The following TCN1 variants were observed in gnomAD, a reference collection of about 807,000 sequenced individuals.
The protein encoded by TCN1 is transcobalamin 1, also known as transcobalamin-1.
In TCN1, 47 loss-of-function variants were observed where a neutral mutation model predicts 46.3. That is an observed-to-expected ratio of 1.01 (90% CI 0.80 to 1.29). The LOEUF (loss-of-function observed/expected upper bound fraction) is 1.29. TCN1 is among the 50% of genes most tolerant of loss of function. The pLI is 0.00. For missense variants in TCN1, 532 were observed against 511.0 expected (o/e 1.04, Z -0.40); for synonymous variants, 183 against 192.5 (o/e 0.95, Z 0.41).
chr11:59,853,294 C>A lies in TCN1; in HGVS notation c.1149G>T (p.Gly383=). Residue 383 remains glycine (G), a synonymous_variant, in exon 8 of 9, where the codon GGG becomes GGT. Coordinates refer to ENST00000257264, the MANE Select transcript of TCN1 (RefSeq NM_001062.4). ...FGFTMEERSW[G]PYITCIQGLC... is the part of the protein sequence containing the mutation. The stretch of plus-strand genomic sequence containing the variant: ...GGCCCTGAATACAGGTGATATAGGG[C>A]CCCCATGAGCGCTCCTCCATTGTGA... 1 of 1,614,046 alleles carries A rather than the reference C, an allele frequency of 6.2e-7. No homozygotes were observed. Among genetic ancestry groups the A allele is most frequent in the Non-Finnish European group, 8.5e-7 (1 of 1,180,000 alleles).
intron 6 of TCN1, among the ~76,000 whole-genome samples, chr11:59,855,159 C>T (rs1403982645): frequency 1.3e-5 from 2 of 151,862 alleles, no homozygotes; most frequent in Non-Finnish European, 2.9e-5. Flanking sequence ...TACAATAATG[C>T]TTGTCTTTTC....
chr11:59,853,335 C>T lies in TCN1; in HGVS notation c.1122-14G>A. On this transcript the variant is annotated splice_polypyrimidine_tract_variant and intron_variant, in intron 7 of 8. Coordinates refer to ENST00000257264, the MANE Select transcript of TCN1 (RefSeq NM_001062.4). ...TCCATTGTGAAACTGTGGGTGACAGCAAGTAGGTTACTGGAACTTAGAATT... is the reference window on the plus strand; with the variant it reads ...TCCATTGTGAAACTGTGGGTGACAGTAAGTAGGTTACTGGAACTTAGAATT... 1 of 1,609,290 alleles carries T rather than the reference C, an allele frequency of 6.2e-7. No homozygotes were observed. The highest frequency in any genetic ancestry group is 8.5e-7 in the Non-Finnish European group (1 of 1,175,612).
chr11:59,863,263 A>G lies in TCN1; in HGVS notation c.260-541T>C, dbSNP rs147842813. 9.7e-4 allele frequency among the ~76,000 whole-genome samples: 148 copies of G among 152,234 alleles called. 2 individuals are homozygous for G. The East Asian group carries it at 0.022, about 23-fold the overall frequency. The stretch of plus-strand genomic sequence containing the variant: ...TCTTTGTCTTTTCCATAAAAATCAC[A>G]GAATCGTTTTGGAATCATACAATCC... On this transcript the variant is annotated intron_variant, in intron 2 of 8. Transcript: ENST00000257264.
In TCN1 at chr11:59,862,663, TACGAC is replaced by T. The variant is rs1853028421; in HGVS notation, c.314_318del (p.Cys105Ter). Reference sequence around the variant, plus strand: ...TCATATATTAAGTTTTCCTCAGCGTTACGACATACTCCCAAAGCCAGTATAATCAA... The same window carrying T: ...TCATATATTAAGTTTTCCTCAGCGTTATACTCCCAAAGCCAGTATAATCAA... On this transcript the variant is annotated frameshift_variant, in exon 3 of 9. Transcript: ENST00000257264. LOFTEE classifies it high-confidence loss of function. 1.2e-6 allele frequency: 2 copies of T among 1,613,848 alleles called. No individual in the cohort carries two copies. Among genetic ancestry groups the T allele is most frequent in the Admixed American group, 3.3e-5 (2 of 60,008 alleles).
intron 1 of TCN1, among the ~76,000 whole-genome samples, chr11:59,864,899 T>C (rs1363418001): frequency 1.3e-5 from 2 of 152,140 alleles, no homozygotes; most frequent in African/African-American, 4.8e-5. Flanking sequence ...GAGAAGAACA[T>C]GAGGTTTGGA....
Position 59,862,635 on chromosome 11 carries a change from T to G in TCN1, c.347A>C (p.Tyr116Ser). 2.5e-6 allele frequency: 4 copies of G among 1,613,772 alleles called. No homozygotes were observed. Among genetic ancestry groups the G allele is most frequent in the Non-Finnish European group, 3.4e-6 (4 of 1,179,836 alleles). The part of the protein sequence containing the change: ...RNAEENLIYD[Y>S]HLIDKLENKF... ...ATTTTCTAGCTTGTCGATCAGGTGG[T>G]AATCATATATTAAGTTTTCCTCAGC... Residue 116 changes from tyrosine (Y) to serine (S), a missense_variant, in exon 3 of 9, where the codon TAC (tyrosine) becomes TCC (serine). Tyr to Ser is a moderately radical substitution (Grantham distance 144). Transcript: ENST00000257264.
At chr11:59,855,727 G>T in intron 6 of TCN1, 142 bp downstream of exon 6, 1 of 902,326 alleles carries the variant, frequency 1.1e-6, no homozygotes, top group Non-Finnish European at 1.8e-6. Flanking sequence ...CTGGTAACAT[G>T]AGGAAAACTG....
chr11:59,863,603 T>C (rs1236993748), intron 2 of TCN1, among the ~76,000 whole-genome samples: 1 of 152,182 alleles, frequency 6.6e-6, no homozygotes, highest in Non-Finnish European at 1.5e-5. Context: ...AGTTATGATC[T>C]GTATTCCCAT....
intron 1 of TCN1, 90 bp from the exon 2 acceptor site, chr11:59,864,176 A>T (rs1423077118): frequency 2.8e-6 from 4 of 1,452,680 alleles, no homozygotes; most frequent in African/African-American, 1.4e-5. Flanking sequence ...TTAGTAACAG[A>T]TATGGCACAG....
chr11:59,858,708 C>G (rs1852977524), intron 5 of TCN1, among the ~76,000 whole-genome samples: 2 of 152,208 alleles, frequency 1.3e-5, no homozygotes. Context: ...GTGGCCCACA[C>G]CTGTAATCCC....
rs1852984793 is a variant in TCN1 at position 59,859,004 on chromosome 11, T to A, written c.747+73A>T. ...GGGCAACAAGAGCGAAGCTCCATCT[T>A]AAAAAAAAAAAAATACTGCTTTCTT... is the stretch of plus-strand genomic sequence containing the variant. On this transcript the variant is annotated intron_variant, in intron 5 of 8. Transcript: ENST00000257264. 2.3e-6 allele frequency: 3 copies of A among 1,298,332 alleles called. No individual in the cohort carries two copies. In the South Asian group the frequency reaches 3.8e-5, roughly 16 times the overall value. The allele number at this position is 1,298,332 out of a possible 1,614,324, so 80.4% of individuals were successfully genotyped here.
rs188960894 is a variant in TCN1, at chr11:59,865,273, C to A, written c.79+1119G>T. 4.8e-4 allele frequency among the ~76,000 whole-genome samples: 73 copies of A among 152,252 alleles called. No individual in the cohort carries two copies. In the South Asian group the frequency reaches 0.014, roughly 29 times the overall value. ...GTTCTCTGAGATTTTGTGGAACCAT[C>A]CAGCTCAGCAGATTTTCTGGCCCTG... On this transcript the variant is annotated intron_variant, in intron 1 of 8. Transcript: ENST00000257264.
chr11:59,866,475 C>T lies in TCN1; in HGVS notation c.-5G>A. On this transcript the variant is annotated 5_prime_UTR_variant, in exon 1 of 9. Transcript: ENST00000257264. ...CAGCTGGTGTGACTGTCTCATCTCT[C>T]CAACAGTGTACCAGAATGTTGATGA... is the stretch of plus-strand genomic sequence containing the variant. 6.2e-7 allele frequency: 1 copy of T among 1,613,160 alleles called. No homozygotes were observed. The highest frequency in any genetic ancestry group is 2.2e-5 in the East Asian group (1 of 44,856).
intron 5 of TCN1, among the ~76,000 whole-genome samples, chr11:59,857,448 C>T (rs1852956417): frequency 6.6e-6 from 1 of 152,174 alleles, no homozygotes; most frequent in African/African-American, 2.4e-5. Context: ...TACAGATAAC[C>T]TTATGACTGG....
intron 5 of TCN1, among the ~76,000 whole-genome samples, chr11:59,858,228 A>G (rs1197706765): frequency 1.3e-5 from 2 of 152,218 alleles, no homozygotes; most frequent in Non-Finnish European, 2.9e-5. Flanking sequence ...CTACTAAGTG[A>G]TTAACAAGCA....
Position 59,860,191 on chromosome 11 carries a change from G to A in TCN1, c.557-924C>T, listed in dbSNP as rs544974361. 3.3e-5 allele frequency among the ~76,000 whole-genome samples: 5 copies of A among 152,256 alleles called. No homozygotes were observed. The South Asian group carries it at 8.3e-4, about 25-fold the overall frequency. The stretch of plus-strand genomic sequence containing the variant: ...CTCTTGCTGCCCAGGCTGGAGTGCT[G>A]TGGTCCGATCTCCCTGCGAACTCTG... On this transcript the variant is annotated intron_variant, in intron 4 of 8. Transcript: ENST00000257264.
intron 4 of TCN1, among the ~76,000 whole-genome samples, chr11:59,859,530 C>A (rs376124235): frequency 1.2e-3 from 182 of 152,300 alleles, no homozygotes; most frequent in African/African-American, 4.1e-3. Context: ...TACTGTAGTG[C>A]GATGGGTCTC....
At chr11:59,862,946 T>C (rs1590867527) in intron 2 of TCN1, among the ~76,000 whole-genome samples, 1 of 152,206 alleles carries the variant, frequency 6.6e-6, no homozygotes, top group East Asian at 1.9e-4. Context: ...GATGGTATAG[T>C]TGACTACACA....
intron 5 of TCN1, among the ~76,000 whole-genome samples, chr11:59,857,046 T>A (rs1033588986): frequency 6.6e-6 from 1 of 152,130 alleles, no homozygotes; most frequent in East Asian, 1.9e-4. Context: ...GTTCTTAAGC[T>A]AACCAAGTTG....
Sources: gnomAD v4.1 joint callset for allele counts (sites outside exome capture counted in the v4.1 genomes callset) on GRCh38, gnomAD v4.1.1 for gene constraint, MANE v1.5 for transcripts, NCBI Gene and HGNC (gene_info 2026-07-23, HGNC 2026-07-21) for gene names.